The following PIH1D2 variants were observed in gnomAD, a reference collection of about 807,000 sequenced individuals.
The protein encoded by PIH1D2 is PIH1 domain containing 2.
Under a neutral mutation model 31.2 loss-of-function variants are expected in PIH1D2, and 25 were observed. The observed-to-expected ratio is 0.80, with a 90% CI of 0.58 to 1.12. PIH1D2 has a LOEUF of 1.12. Among genes scored for constraint, PIH1D2 ranks in the 50% most tolerant of loss-of-function variants. The pLI, the probability that PIH1D2 is intolerant of heterozygous loss-of-function variation, is 0.00. For synonymous variants in PIH1D2, 116 were observed against 119.9 expected (o/e 0.97, Z 0.21); for missense variants, 310 against 356.6 (o/e 0.87, Z 1.05).
At chr11:112,064,292 C>A, downstream of PIH1D2, 1 of 1,317,282 alleles carries the variant, frequency 7.6e-7, no homozygotes, top group Non-Finnish European at 1.0e-6. Flanking sequence ...GAGCTATAAT[C>A]TAAATCGATT....
At chr11:112,055,960 C>T in the PIH1D2 span, among the ~76,000 whole-genome samples, 278 of 144,052 alleles carry the variant, frequency 1.9e-3, 1 homozygote, top group African/African-American at 6.8e-3. Flanking sequence ...CTCCGCCTCC[C>T]GGGTTCAAGC....
chr11:112,068,119 CTTGG>C, intron 5 of PIH1D2, 114 bp from the exon 6 acceptor site: 1 of 755,130 alleles, frequency 1.3e-6, no homozygotes, highest in Non-Finnish European at 2.1e-6. Flanking sequence ...TGCCATGTGA[CTTGG>C]AATGAGCAAA....
chr11:112,073,005 C>A lies in PIH1D2; in HGVS notation c.170G>T (p.Arg57Met). ...APEPQLCLQTRILKPKEKILF... is the reference protein window; with the variant it reads ...APEPQLCLQTMILKPKEKILF... ...GGCACCAACTCGACATACCAGAATC[C>A]TGGTCTGTAGACAAAGCTGTGGTTC... is the stretch of plus-strand genomic sequence containing the variant. Residue 57 changes from arginine (R) to methionine (M), a missense_variant, in exon 2 of 6, where the codon AGG becomes ATG. Arg to Met is a moderately conservative substitution (Grantham distance 91). Transcript: ENST00000280350. 6.2e-7 allele frequency: 1 copy of A among 1,608,696 alleles called. No individual in the cohort carries two copies. The highest frequency in any genetic ancestry group is 8.5e-7 in the Non-Finnish European group (1 of 1,176,770).
downstream of PIH1D2, chr11:112,062,763 C>T (rs1447802023): frequency 3.6e-5 from 18 of 500,256 alleles, no homozygotes; most frequent in Non-Finnish European, 5.4e-5. Context: ...GCTCTGTACT[C>T]CTAATTAAGG....
downstream of PIH1D2, among the ~76,000 whole-genome samples, chr11:112,059,113 G>A (rs1367649456): frequency 6.6e-6 from 1 of 151,038 alleles, no homozygotes; most frequent in Non-Finnish European, 1.5e-5. Flanking sequence ...CACCACCCAT[G>A]TATCCTGAGC....
downstream of PIH1D2, among the ~76,000 whole-genome samples, chr11:112,066,959 A>C (rs1378192497): frequency 6.6e-6 from 1 of 152,180 alleles, no homozygotes; most frequent in Non-Finnish European, 1.5e-5. Flanking sequence ...GCTACTAAGG[A>C]GGATGAGACG....
At chr11:112,064,274 AT>A (rs1864818846), downstream of PIH1D2, 6 of 1,454,208 alleles carry the variant, frequency 4.1e-6, no homozygotes, top group African/African-American at 7.1e-5. Context: ...TGAGTTAAAA[AT>A]TAATCTGAGC....
downstream of PIH1D2, chr11:112,063,328 T>A (rs1008072748): frequency 2.0e-5 from 3 of 152,308 alleles, no homozygotes; most frequent in Admixed American, 1.3e-4. Context: ...GTTGTGAAAC[T>A]AAAATTTTCT....
At position 112,071,749 on chromosome 11, in the gene PIH1D2, C is replaced by A. The variant is rs1047974964; in HGVS notation, c.187G>T (p.Glu63Ter). Residue 63 changes from glutamate to a stop codon, truncating the protein, a stop_gained, in exon 3 of 6, where the codon GAA (glutamate) becomes TAA (stop). Transcript: ENST00000280350. LOFTEE classifies it high-confidence loss of function. ...CACAGGTTGATAAAAAGTATTTTTT[C>A]TTTTGGTTTCTGGAAAGCAAATAAT... is the stretch of plus-strand genomic sequence containing the variant. The part of the protein sequence containing the change: ...CLQTRILKPK[E>*]KILFINLCQW... 2 of 1,613,932 alleles carry A rather than the reference C, an allele frequency of 1.2e-6. No individual in the cohort carries two copies. Among genetic ancestry groups the A allele is most frequent in the Admixed American group, 1.7e-5 (1 of 59,984 alleles).
At chr11:112,064,316 G>A, downstream of PIH1D2, 1 of 1,041,604 alleles carries the variant, frequency 9.6e-7, no homozygotes, top group South Asian at 2.1e-5. Context: ...TCTCTTACCA[G>A]AACTGAAAGA....
chr11:112,055,892 G>T, the PIH1D2 span, among the ~76,000 whole-genome samples: 2 of 47,890 alleles, frequency 4.2e-5, no homozygotes, highest in Admixed American at 2.7e-4. Context: ...TTTTTGAGGT[G>T]GAGTCTCGCT....
chr11:112,053,238 C>G, the PIH1D2 span, among the ~76,000 whole-genome samples: 1 of 151,856 alleles, frequency 6.6e-6, no homozygotes, highest in Non-Finnish European at 1.5e-5. Flanking sequence ...AGGAGAATTG[C>G]TTGAACCCAG....
At chr11:112,071,995 A>G (rs1030414170) in intron 2 of PIH1D2, among the ~76,000 whole-genome samples, 4 of 152,178 alleles carry the variant, frequency 2.6e-5, no homozygotes, top group African/African-American at 4.8e-5. Flanking sequence ...CGGGAGGCTG[A>G]GGCAGGAGAA....
At chr11:112,067,330 A>T (rs955852344), downstream of PIH1D2, among the ~76,000 whole-genome samples, 4 of 151,918 alleles carry the variant, frequency 2.6e-5, no homozygotes, top group Non-Finnish European at 2.9e-5. Flanking sequence ...AATAGTTTTT[A>T]ATTCTGGTTG....
the PIH1D2 span, among the ~76,000 whole-genome samples, chr11:112,055,004 A>G: frequency 6.6e-6 from 1 of 152,088 alleles, no homozygotes; most frequent in Non-Finnish European, 1.5e-5. Context: ...TTATCTCAGG[A>G]TCCTAATTAT....
intron 5 of PIH1D2, among the ~76,000 whole-genome samples, chr11:112,068,723 G>A (rs587656613): frequency 6.6e-6 from 1 of 152,244 alleles, no homozygotes; most frequent in East Asian, 1.9e-4. Context: ...GGCAGAGGTT[G>A]CAGTAAGCTG....
At chr11:112,065,094 C>A (rs1555183704), downstream of PIH1D2, among the ~76,000 whole-genome samples, 1 of 151,906 alleles carries the variant, frequency 6.6e-6, no homozygotes, top group Non-Finnish European at 1.5e-5. Context: ...CCCACCTCAG[C>A]CTCCCAAAGG....
chr11:112,060,964 T>G, downstream of PIH1D2: 1 of 1,399,410 alleles, frequency 7.1e-7, no homozygotes, highest in Non-Finnish European at 9.8e-7. Context: ...TTAAGGTCTT[T>G]TCACAGAACA....
downstream of PIH1D2, chr11:112,062,791 G>A: frequency 2.3e-6 from 1 of 437,082 alleles, no homozygotes; most frequent in Non-Finnish European, 4.2e-6. Flanking sequence ...ATGTGGCCTT[G>A]CCTAGCCCTT....
Sources: allele counts gnomAD v4.1 joint callset (sites outside exome capture counted in the v4.1 genomes callset), GRCh38; gene constraint gnomAD v4.1.1; transcripts MANE v1.5; gene names NCBI Gene and HGNC (gene_info 2026-07-23, HGNC 2026-07-21).